Variants in PTPRR observed in about 807,000 individuals in gnomAD.
The protein encoded by PTPRR is receptor-type tyrosine-protein phosphatase R.
Under a neutral mutation model 77.2 loss-of-function variants are expected in PTPRR, and 38 were observed. That is an observed-to-expected ratio of 0.49 (90% confidence interval 0.38 to 0.65). The LOEUF is 0.65. PTPRR is among the 30% of genes least tolerant of loss of function. PTPRR has a pLI of 0.00. For synonymous variants in PTPRR, 299 were observed against 283.1 expected, an observed-to-expected ratio of 1.06 and a Z score of -0.57; for missense variants, 744 against 799.2, an observed-to-expected ratio of 0.93 and a Z score of 0.83.
At chr12:70,821,814 G>C (rs376576336) in intron 2 of PTPRR, among the ~76,000 whole-genome samples, 3 of 151,766 alleles carry the variant, frequency 2.0e-5, no homozygotes, top group African/African-American at 4.8e-5. Flanking sequence ...ACAGGCGCCC[G>C]CCACCACGCC....
At chr12:70,839,024 T>C (rs1255399038) in intron 2 of PTPRR, among the ~76,000 whole-genome samples, 1 of 152,134 alleles carries the variant, frequency 6.6e-6, no homozygotes, top group African/African-American at 2.4e-5. Flanking sequence ...TTTACTGAGG[T>C]CATGCATACA....
At chr12:70,887,168 G>T (rs755820961) in intron 2 of PTPRR, among the ~76,000 whole-genome samples, 1 of 152,058 alleles carries the variant, frequency 6.6e-6, no homozygotes, top group Non-Finnish European at 1.5e-5. Context: ...TTTAAGTAGG[G>T]GCCAGGCTCA....
intron 2 of PTPRR, among the ~76,000 whole-genome samples, chr12:70,846,078 C>A (rs1045344188): frequency 2.6e-5 from 4 of 151,972 alleles, no homozygotes; most frequent in African/African-American, 7.3e-5. Context: ...AACTAAGCAA[C>A]AACTTAAGGA....
At chr12:70,666,203 G>GC (rs1886987245) in intron 10 of PTPRR, among the ~76,000 whole-genome samples, 1 of 152,000 alleles carries the variant, frequency 6.6e-6, no homozygotes, top group Admixed American at 6.6e-5. Context: ...TGCCTTGGGG[G>GC]GCTAGAATTT....
At chr12:70,897,517 G>A (rs1284078207) in intron 1 of PTPRR, among the ~76,000 whole-genome samples, 4 of 151,850 alleles carry the variant, frequency 2.6e-5, no homozygotes, top group Non-Finnish European at 5.9e-5. Context: ...AGGTGCTGGA[G>A]AGGATGTGGA....
intron 2 of PTPRR, among the ~76,000 whole-genome samples, chr12:70,838,359 G>T (rs1450338103): frequency 6.6e-6 from 1 of 152,122 alleles, no homozygotes; most frequent in Non-Finnish European, 1.5e-5. Flanking sequence ...GCTACTAACT[G>T]TTTAGCATTA....
At chr12:70,899,196 G>T (rs1000444452) in intron 1 of PTPRR, among the ~76,000 whole-genome samples, 1 of 150,864 alleles carries the variant, frequency 6.6e-6, no homozygotes, top group Admixed American at 6.6e-5. Context: ...AATAGAAGGG[G>T]GAACATTCAC....
chr12:70,721,916 TTAGAGAC>T (rs1461116959), intron 6 of PTPRR, among the ~76,000 whole-genome samples: 1 of 152,112 alleles, frequency 6.6e-6, no homozygotes, highest in Non-Finnish European at 1.5e-5. Context: ...GACCAATTCA[TTAGAGAC>T]TCTACAGCCC....
chr12:70,684,017 G>A (rs149438669), intron 10 of PTPRR, 110 bp downstream of exon 10: 313 of 1,192,368 alleles, frequency 2.6e-4, no homozygotes, highest in Non-Finnish European at 3.5e-4. Context: ...GCCTTTAAAT[G>A]TCTCAGAGTT....
chr12:70,660,336 C>T (rs1033310476), intron 12 of PTPRR, among the ~76,000 whole-genome samples: 11 of 152,076 alleles, frequency 7.2e-5, no homozygotes, highest in Admixed American at 2.0e-4. Flanking sequence ...GGGACAGGAA[C>T]CAGCACAGAC....
At chr12:70,779,332 G>C (rs7958746) in intron 2 of PTPRR, among the ~76,000 whole-genome samples, 51,245 of 151,702 alleles carry the variant, frequency 0.34, 9,954 homozygotes, top group African/African-American at 0.54. Flanking sequence ...CTTTTTCAAG[G>C]CACTCTGTCC....
intron 2 of PTPRR, among the ~76,000 whole-genome samples, chr12:70,767,007 G>C (rs553942364): frequency 6.6e-6 from 1 of 152,186 alleles, no homozygotes; most frequent in South Asian, 2.1e-4. Context: ...AAGAACTTCT[G>C]AAGGAAGCGC....
At chr12:70,697,511 G>C (rs1427085331) in intron 8 of PTPRR, among the ~76,000 whole-genome samples, 2 of 152,094 alleles carry the variant, frequency 1.3e-5, no homozygotes, top group Admixed American at 1.3e-4. Context: ...CATTCTATGA[G>C]TTGTCTTTTC....
chr12:70,761,349 A>G (rs754699495), intron 4 of PTPRR, 122 bp downstream of exon 4: 75 of 942,206 alleles, frequency 8.0e-5, no homozygotes, highest in Non-Finnish European at 8.9e-5. Context: ...ACACTCAGGG[A>G]AATTTTTATT....
chr12:70,701,316 A>G lies in PTPRR; in HGVS notation c.1015T>C (p.Ser339Pro), dbSNP rs1888417454. Residue 339 changes from serine to proline, a missense_variant, in exon 7 of 14, where the codon TCC becomes CCC. Transcript: ENST00000283228. ...KPIGLQERRG[S>P]NVSLTLDMSS... is the part of the protein sequence containing the mutation. ...ATGTCCAATGTAAGAGATACGTTGG[A>G]CCCTCTTCTACATTGGAGAAGAATG... 5.0e-6 allele frequency: 8 copies of G among 1,612,266 alleles called. No homozygotes were observed. The highest frequency in any genetic ancestry group is 6.8e-6 in the Non-Finnish European group (8 of 1,178,904).
chr12:70,917,051 A>G (rs1374959011), intron 1 of PTPRR, among the ~76,000 whole-genome samples: 1 of 152,220 alleles, frequency 6.6e-6, no homozygotes, highest in Non-Finnish European at 1.5e-5. Flanking sequence ...ATACAACACT[A>G]TAAATAATAT....
intron 2 of PTPRR, among the ~76,000 whole-genome samples, chr12:70,822,421 T>G (rs1892031545): frequency 6.6e-6 from 1 of 152,226 alleles, no homozygotes; most frequent in African/African-American, 2.4e-5. Context: ...AACTCAGGTT[T>G]AATTTTCTCT....
chr12:70,862,646 C>CT (rs1892773434), intron 2 of PTPRR, among the ~76,000 whole-genome samples: 1 of 150,480 alleles, frequency 6.6e-6, no homozygotes, highest in Non-Finnish European at 1.5e-5. Context: ...TGCTAAATGA[C>CT]GTGTTAATGG....
intron 10 of PTPRR, among the ~76,000 whole-genome samples, chr12:70,675,436 T>G (rs1049330194): frequency 6.6e-6 from 1 of 152,092 alleles, no homozygotes; most frequent in East Asian, 1.9e-4. Flanking sequence ...AAATTATACA[T>G]TCTAATTCCA....
Sources: gnomAD v4.1 joint callset for allele counts (sites outside exome capture counted in the v4.1 genomes callset) on GRCh38, gnomAD v4.1.1 for gene constraint, MANE v1.5 for transcripts, NCBI Gene and HGNC (gene_info 2026-07-23, HGNC 2026-07-21) for gene names.